The following SLC2A14 variants were observed in gnomAD, a reference collection of about 807,000 sequenced individuals.
SLC2A14 encodes solute carrier family 2, facilitated glucose transporter member 14.
Under a neutral mutation model 43.0 loss-of-function variants are expected in SLC2A14, and 13 were observed. The ratio of observed to expected loss-of-function variants is 0.30; its 90% CI spans 0.20 to 0.48. The LOEUF (loss-of-function observed/expected upper bound fraction) is 0.48, where lower values mean the gene tolerates loss of function less well. Ranked by LOEUF, SLC2A14 falls within the 20% of genes least tolerant of loss-of-function variation. The pLI, the probability that SLC2A14 is intolerant of heterozygous loss-of-function variation, is 0.99. For missense variants in SLC2A14, 428 were observed against 620.4 expected (o/e 0.69, Z 3.29); for synonymous variants, 190 against 233.8 (o/e 0.81, Z 1.71).
chr12:7,881,746 A>G (rs567504027), intron 1 of SLC2A14, among the ~76,000 whole-genome samples: 2 of 152,184 alleles, frequency 1.3e-5, no homozygotes, highest in Non-Finnish European at 2.9e-5. Context: ...TCCTGAGTCT[A>G]GTTGGAACTT....
intron 1 of SLC2A14, among the ~76,000 whole-genome samples, chr12:7,879,899 G>C (rs1164638707): frequency 6.6e-6 from 1 of 151,738 alleles, no homozygotes; most frequent in Non-Finnish European, 1.5e-5. Flanking sequence ...CCAGCTACTA[G>C]GGAGCCAGAG....
At chr12:7,828,348 G>C (rs991453509) in intron 6 of SLC2A14, among the ~76,000 whole-genome samples, 4 of 141,804 alleles carry the variant, frequency 2.8e-5, no homozygotes, top group African/African-American at 1.1e-4. Context: ...CTGGGCAACA[G>C]AGCAAGACTC....
At chr12:7,879,962 C>G (rs1945537167) in intron 1 of SLC2A14, among the ~76,000 whole-genome samples, 1 of 151,746 alleles carries the variant, frequency 6.6e-6, no homozygotes, top group South Asian at 2.1e-4. Context: ...CCCGAAATGG[C>G]ACCACTGCAC....
Position 7,828,806 on chromosome 12 carries a change from T to C in SLC2A14, c.574A>G (p.Thr192Ala), listed in dbSNP as rs1864735450. The C allele has an allele frequency of 1.9e-6, 3 of 1,614,148 alleles. No individual in the cohort carries two copies. Among genetic ancestry groups the C allele is most frequent in the African/African-American group, 1.3e-5 (1 of 75,028 alleles). ...CTTTGCAGGATAGCTGGAAGGATGG[T>C]AAAGCCTAATAGCACCGGCCATAGC... The part of the protein sequence containing the change: ...EELWPVLLGF[T>A]ILPAILQSAA... Residue 192 changes from threonine to alanine, a missense_variant, in exon 6 of 11, where the codon ACC (threonine) becomes GCC (alanine). Physicochemically the swap from Thr to Ala is moderately conservative, Grantham distance 58. This residue lies in a region of SLC2A14 where 185 missense variants were observed against 275.4 expected (regional missense o/e 0.67). Transcript: ENST00000431042.
At chr12:7,883,928 C>CT (rs57358206) in intron 1 of SLC2A14, among the ~76,000 whole-genome samples, 4 of 150,218 alleles carry the variant, frequency 2.7e-5, no homozygotes, top group African/African-American at 2.4e-5. Flanking sequence ...TTCTTTCTTT[C>CT]TTTTTTTTTG....
intron 2 of SLC2A14, among the ~76,000 whole-genome samples, chr12:7,858,420 T>G (rs1944372034): frequency 6.6e-6 from 1 of 152,178 alleles, no homozygotes; most frequent in Admixed American, 6.5e-5. Flanking sequence ...ATACACATGA[T>G]TTGCTATAAT....
intron 2 of SLC2A14, among the ~76,000 whole-genome samples, chr12:7,858,133 G>GA (rs1178537411): frequency 1.3e-5 from 2 of 151,370 alleles, no homozygotes; most frequent in Admixed American, 6.6e-5. Flanking sequence ...ACTCTTATCT[G>GA]AAAAAAAACA....
chr12:7,825,268 C>CTATCT (rs879618634), intron 7 of SLC2A14, among the ~76,000 whole-genome samples: 1,972 of 136,956 alleles, frequency 0.014, 46 homozygotes, highest in Middle Eastern at 0.045. Flanking sequence ...CAAGACCAGA[C>CTATCT]TGGTCAACAT....
At chr12:7,847,551 A>G (rs1866568184) in intron 2 of SLC2A14, among the ~76,000 whole-genome samples, 1 of 152,092 alleles carries the variant, frequency 6.6e-6, no homozygotes, top group Non-Finnish European at 1.5e-5. Flanking sequence ...TGGGCTCCCA[A>G]TTTGTGTTTT....
At chr12:7,833,577 TC>T (rs1865205630) in intron 2 of SLC2A14, among the ~76,000 whole-genome samples, 1 of 152,056 alleles carries the variant, frequency 6.6e-6, no homozygotes. Context: ...GATCAGGAGT[TC>T]GAGACCAGCC....
chr12:7,842,617 T>A (rs760340988), intron 2 of SLC2A14, among the ~76,000 whole-genome samples: 1 of 152,144 alleles, frequency 6.6e-6, no homozygotes, highest in Non-Finnish European at 1.5e-5. Context: ...TAGCTATCAG[T>A]GGGACACAAT....
chr12:7,867,987 C>T (rs758908506), intron 2 of SLC2A14, among the ~76,000 whole-genome samples: 2 of 152,054 alleles, frequency 1.3e-5, no homozygotes, highest in African/African-American at 4.8e-5. Context: ...TGTGAGAGAA[C>T]TGACTCGAAT....
At chr12:7,860,048 C>G (rs1431132070) in intron 2 of SLC2A14, among the ~76,000 whole-genome samples, 2 of 152,144 alleles carry the variant, frequency 1.3e-5, no homozygotes, top group Non-Finnish European at 2.9e-5. Flanking sequence ...CTCCAGAGCC[C>G]GTTGCTGTGG....
chr12:7,840,905 C>G (rs1176302834), intron 2 of SLC2A14, among the ~76,000 whole-genome samples: 3 of 152,168 alleles, frequency 2.0e-5, no homozygotes, highest in Non-Finnish European at 4.4e-5. Context: ...GTCAGGAAAG[C>G]AGACAGAGAC....
At chr12:7,880,860 C>A (rs1358625920) in intron 1 of SLC2A14, among the ~76,000 whole-genome samples, 11 of 152,012 alleles carry the variant, frequency 7.2e-5, no homozygotes, top group Non-Finnish European at 1.6e-4. Flanking sequence ...CAAAAATTGG[C>A]CAGGCGCGGT....
chr12:7,878,730 G>A (rs1272500637), intron 1 of SLC2A14, among the ~76,000 whole-genome samples: 2 of 151,848 alleles, frequency 1.3e-5, no homozygotes, highest in African/African-American at 4.8e-5. Flanking sequence ...GATAATCCCA[G>A]CACTTTCGGA....
At chr12:7,874,811 CGTATTTATATATAAATT>C (rs1565584697), upstream of SLC2A14, among the ~76,000 whole-genome samples, 1 of 8,446 alleles carries the variant, frequency 1.2e-4, no homozygotes, top group African/African-American at 3.4e-4. Context: ...TATATAAATA[CGTATTTATATATAAATT>C]ATATATAAAT....
At chr12:7,882,308 CAG>C (rs1195090645) in intron 1 of SLC2A14, among the ~76,000 whole-genome samples, 1 of 151,932 alleles carries the variant, frequency 6.6e-6, no homozygotes, top group Non-Finnish European at 1.5e-5. Flanking sequence ...ACTCCTGAGT[CAG>C]GGAGACCACC....
In SLC2A14 at chr12:7,884,275, C is replaced by T. The variant is rs11056304; in HGVS notation, c.132+6721G>A. Among the ~76,000 whole-genome samples the T allele has an allele frequency of 0.015, 2,351 of 152,232 alleles. 136 individuals are homozygous for T. The East Asian group carries it at 0.22, about 14-fold the overall frequency. On this transcript the variant is annotated intron_variant, in intron 1 of 9. Coordinates refer to the SLC2A14 transcript ENST00000539924. ...CTATAAGTTTGAACTCTTTCTTTCACATAATTAAACTTATTTACTCCTGGA... is the reference window on the plus strand; with the variant it reads ...CTATAAGTTTGAACTCTTTCTTTCATATAATTAAACTTATTTACTCCTGGA...
Sources: allele counts gnomAD v4.1 joint callset (sites outside exome capture counted in the v4.1 genomes callset), GRCh38; gene constraint gnomAD v4.1.1; regional missense constraint gnomAD v4.1.1; transcripts MANE v1.5; gene names NCBI Gene and HGNC (gene_info 2026-07-23, HGNC 2026-07-21).